The following PARD3B variants were observed in gnomAD, a reference collection of about 807,000 sequenced individuals.
The protein encoded by PARD3B is par-3 family cell polarity regulator beta, also known as partitioning defective 3 homolog B.
A neutral mutation model predicts 130.2 loss-of-function variants in PARD3B; 103 were observed. That is an observed-to-expected ratio of 0.79 (90% CI 0.67 to 0.93). The LOEUF is 0.93. PARD3B is among the 40% of genes least tolerant of loss of function. The pLI, the probability that PARD3B is intolerant of heterozygous loss-of-function variation, is 0.00. For missense variants in PARD3B, 1,609 were observed against 1,499.2 expected, an observed-to-expected ratio of 1.07 and a Z score of -1.21; for synonymous variants, 583 against 553.2, an observed-to-expected ratio of 1.05 and a Z score of -0.76.
At chr2:205,491,184 G>A (rs2049692089) in intron 20 of PARD3B, among the ~76,000 whole-genome samples, 1 of 152,132 alleles carries the variant, frequency 6.6e-6, no homozygotes, top group Admixed American at 6.5e-5. Flanking sequence ...CCTTGCCCCT[G>A]CCTATGTCCT....
chr2:204,931,061 G>A (rs1687992948), intron 2 of PARD3B, among the ~76,000 whole-genome samples: 1 of 152,038 alleles, frequency 6.6e-6, no homozygotes, highest in Admixed American at 6.6e-5. Context: ...CCATTTATTG[G>A]CTGGATGCCG....
chr2:204,990,491 A>G (rs1693565489), intron 3 of PARD3B, among the ~76,000 whole-genome samples: 1 of 152,118 alleles, frequency 6.6e-6, no homozygotes. Context: ...CACTAGAACT[A>G]ATTGTATGTT....
At chr2:204,809,718 A>G (rs1031943339) in intron 2 of PARD3B, among the ~76,000 whole-genome samples, 2 of 152,132 alleles carry the variant, frequency 1.3e-5, no homozygotes, top group Admixed American at 6.6e-5. Context: ...TGCCTTGGCT[A>G]TTTGGCCCCT....
chr2:204,966,105 T>C (rs1229035052), intron 3 of PARD3B, among the ~76,000 whole-genome samples: 1 of 152,212 alleles, frequency 6.6e-6, no homozygotes, highest in African/African-American at 2.4e-5. Context: ...CTTATTCCAC[T>C]TTGCAAAGGT....
intron 2 of PARD3B, among the ~76,000 whole-genome samples, chr2:204,945,949 G>A (rs536796686): frequency 6.6e-6 from 1 of 152,148 alleles, no homozygotes; most frequent in Non-Finnish European, 1.5e-5. Flanking sequence ...TGTGTGTGTT[G>A]TTTCTTCTGC....
chr2:205,077,133 T>A (rs1701116334), intron 4 of PARD3B, among the ~76,000 whole-genome samples: 1 of 152,042 alleles, frequency 6.6e-6, no homozygotes, highest in Non-Finnish European at 1.5e-5. Context: ...AATATATATA[T>A]CTCTCTCAAG....
At chr2:204,636,554 A>T (rs1243815606) in intron 1 of PARD3B, among the ~76,000 whole-genome samples, 3 of 151,516 alleles carry the variant, frequency 2.0e-5, no homozygotes, top group African/African-American at 7.3e-5. Flanking sequence ...ATGTTTATCT[A>T]CCTGAAATCT....
At chr2:205,394,847 G>A (rs1354707339) in intron 18 of PARD3B, among the ~76,000 whole-genome samples, 1 of 152,100 alleles carries the variant, frequency 6.6e-6, no homozygotes, top group Non-Finnish European at 1.5e-5. Context: ...GAGGAAGGAG[G>A]GAGTGGGGAG....
In PARD3B at chr2:205,390,622, C is replaced by G. The variant is rs543498770; in HGVS notation, c.2631-10391C>G. ...CCAATCATTTTATTCTTGTTTAGTG[C>G]AGATGAATTCCATAGAAAATGTGCC... On this transcript the variant is annotated intron_variant, in intron 18 of 22. Coordinates refer to ENST00000406610, the MANE Select transcript of PARD3B (RefSeq NM_001302769.2). Among the ~76,000 whole-genome samples the G allele has an allele frequency of 3.3e-5, 5 of 152,174 alleles. No individual in the cohort carries two copies. In the South Asian group the frequency reaches 1.0e-3, roughly 32 times the overall value.
intron 1 of PARD3B, among the ~76,000 whole-genome samples, chr2:204,560,601 G>A (rs745652474): frequency 2.0e-5 from 3 of 152,052 alleles, no homozygotes; most frequent in Admixed American, 6.6e-5. Flanking sequence ...GCAGCCTACC[G>A]CTGTTTGAAG....
At chr2:204,939,667 AAGTAT>A (rs1245957696) in intron 2 of PARD3B, among the ~76,000 whole-genome samples, 1 of 152,190 alleles carries the variant, frequency 6.6e-6, no homozygotes, top group Non-Finnish European at 1.5e-5. Context: ...ATCTGAGGCA[AAGTAT>A]ATCAAATTCA....
At chr2:205,536,105 A>G (rs927563426) in intron 21 of PARD3B, among the ~76,000 whole-genome samples, 1 of 152,128 alleles carries the variant, frequency 6.6e-6, no homozygotes, top group South Asian at 2.1e-4. Context: ...TTTCCTGAGT[A>G]TCTGAGAAAT....
chr2:204,597,328 T>C (rs1379468617), intron 1 of PARD3B, among the ~76,000 whole-genome samples: 1 of 152,044 alleles, frequency 6.6e-6, no homozygotes, highest in African/African-American at 2.4e-5. Flanking sequence ...TCCTCACTAA[T>C]AAATATGGAC....
chr2:204,691,224 G>T (rs2037339120), intron 2 of PARD3B, among the ~76,000 whole-genome samples: 1 of 152,014 alleles, frequency 6.6e-6, no homozygotes, highest in Non-Finnish European at 1.5e-5. Flanking sequence ...TTTTGGCTGG[G>T]TTGAAGAAGA....
chr2:205,499,729 A>G (rs1575172822), intron 20 of PARD3B, among the ~76,000 whole-genome samples, 167 bp from the exon 21 acceptor site: 1 of 152,170 alleles, frequency 6.6e-6, no homozygotes, highest in Non-Finnish European at 1.5e-5. Context: ...CGTAAAGACC[A>G]CTTTTTGTTC....
chr2:204,843,813 G>A (rs1001917350), intron 2 of PARD3B, among the ~76,000 whole-genome samples: 5 of 152,114 alleles, frequency 3.3e-5, no homozygotes, highest in African/African-American at 1.2e-4. Context: ...TGTTCTCAAC[G>A]TGTCTTTATT....
chr2:205,370,732 G>A (rs140896840), intron 18 of PARD3B, among the ~76,000 whole-genome samples: 101 of 152,298 alleles, frequency 6.6e-4, no homozygotes, highest in South Asian at 3.7e-3. Flanking sequence ...TGAAAGTATC[G>A]ACAGATGACA....
chr2:205,497,643 CTT>C (rs1349903441), intron 20 of PARD3B, among the ~76,000 whole-genome samples: 3 of 151,996 alleles, frequency 2.0e-5, no homozygotes, highest in African/African-American at 7.2e-5. Context: ...TCCCTCTTCT[CTT>C]TGATCCTCCT....
chr2:205,095,709 G>A (rs1702354639), intron 4 of PARD3B, among the ~76,000 whole-genome samples: 1 of 151,964 alleles, frequency 6.6e-6, no homozygotes, highest in Non-Finnish European at 1.5e-5. Flanking sequence ...TTTGACACCT[G>A]GTATCAGCTT....
Sources: allele counts gnomAD v4.1 joint callset (sites outside exome capture counted in the v4.1 genomes callset), GRCh38; gene constraint gnomAD v4.1.1; transcripts MANE v1.5; gene names NCBI Gene and HGNC (gene_info 2026-07-23, HGNC 2026-07-21).